GPC6: variants seen among roughly 807,000 people sequenced by gnomAD.
The protein encoded by GPC6 is glypican-6.
Under a neutral mutation model 55.2 loss-of-function variants are expected in GPC6, and 14 were observed. The ratio of observed to expected loss-of-function variants is 0.25; its 90% CI spans 0.17 to 0.40. The LOEUF (loss-of-function observed/expected upper bound fraction) is 0.40. Among genes scored for constraint, GPC6 ranks in the 10% least tolerant of loss-of-function variants. The pLI, the probability that GPC6 is intolerant of heterozygous loss-of-function variation, is 1.00. For missense variants in GPC6, 641 were observed against 708.5 expected (o/e 0.90, Z 1.08); for synonymous variants, 278 against 259.6 (o/e 1.07, Z -0.68).
chr13:93,310,388 A>G (rs1879026081), intron 1 of GPC6, among the ~76,000 whole-genome samples: 5 of 152,142 alleles, frequency 3.3e-5, no homozygotes, highest in Admixed American at 3.3e-4. Flanking sequence ...TTTTTGTTGA[A>G]GCCTCTGCCA....
intron 3 of GPC6, among the ~76,000 whole-genome samples, chr13:93,972,581 C>T (rs189249623): frequency 7.2e-5 from 11 of 152,066 alleles, no homozygotes; most frequent in East Asian, 3.9e-4. Context: ...TCTAAGAGCA[C>T]GAATCCAGAG....
chr13:93,696,477 T>TC (rs1441852496), intron 2 of GPC6, among the ~76,000 whole-genome samples: 2 of 152,146 alleles, frequency 1.3e-5, no homozygotes, highest in African/African-American at 4.8e-5. Context: ...TTATATAACT[T>TC]CATCATTAGC....
chr13:93,903,097 G>T (rs114638390), intron 3 of GPC6, among the ~76,000 whole-genome samples: 1,847 of 152,200 alleles, frequency 0.012, 31 homozygotes, highest in African/African-American at 0.04. Context: ...AATATAAGAC[G>T]TGAAACAATA....
intron 1 of GPC6, among the ~76,000 whole-genome samples, chr13:93,349,191 A>G (rs1880535012): frequency 6.6e-6 from 1 of 152,178 alleles, no homozygotes; most frequent in Non-Finnish European, 1.5e-5. Context: ...CTCATTTGAC[A>G]AGTTCTTTGA....
Position 93,628,014 on chromosome 13 carries a change from A to T in GPC6, c.319+82593A>T, listed in dbSNP as rs571131012. On this transcript the variant is annotated intron_variant, in intron 2 of 8. Coordinates refer to ENST00000377047, the MANE Select transcript of GPC6 (RefSeq NM_005708.5). ...TATCTACATTGAGGTTACCTCAAAT[A>T]ACCTGCTTCCAGCCCATCAGACTGT... is the stretch of plus-strand genomic sequence containing the variant. Among the ~76,000 whole-genome samples the T allele has an allele frequency of 5.5e-4, 84 of 152,356 alleles. 1 individual carries two copies. The South Asian group carries it at 0.017, about 30-fold the overall frequency.
At chr13:93,890,715 A>ATTTTTTTTTTTTT (rs757639517) in intron 3 of GPC6, among the ~76,000 whole-genome samples, 1 of 126,414 alleles carries the variant, frequency 7.9e-6, no homozygotes, top group Admixed American at 7.6e-5. Context: ...AATTTTACTT[A>ATTTTTTTTTTTTT]ATTTTTTTTT....
intron 4 of GPC6, among the ~76,000 whole-genome samples, chr13:94,038,510 C>G (rs1303115169): frequency 4.0e-5 from 6 of 151,860 alleles, no homozygotes; most frequent in East Asian, 1.9e-4. Flanking sequence ...GGTAAGAGCA[C>G]CAGTCCTTGA....
At chr13:93,879,057 T>G (rs547911907) in intron 3 of GPC6, among the ~76,000 whole-genome samples, 287 of 152,132 alleles carry the variant, frequency 1.9e-3, no homozygotes, top group African/African-American at 6.4e-3. Context: ...AGCAAGAAAC[T>G]TCCCTTCTCA....
At chr13:93,703,941 A>G (rs1274169486) in intron 2 of GPC6, among the ~76,000 whole-genome samples, 1 of 152,028 alleles carries the variant, frequency 6.6e-6, no homozygotes. Context: ...CTGGCTTTGT[A>G]ATGATGATAG....
At chr13:93,440,015 C>A (rs1001773185) in intron 1 of GPC6, among the ~76,000 whole-genome samples, 2 of 152,292 alleles carry the variant, frequency 1.3e-5, no homozygotes, top group African/African-American at 4.8e-5. Flanking sequence ...AGACAATCAA[C>A]AATACCCATA....
intron 2 of GPC6, among the ~76,000 whole-genome samples, chr13:93,581,797 C>T (rs986360000): frequency 6.6e-6 from 1 of 152,182 alleles, no homozygotes; most frequent in African/African-American, 2.4e-5. Context: ...CAATTGTATT[C>T]CTAACTTCTC....
At chr13:93,608,304 C>G (rs995063779) in intron 2 of GPC6, among the ~76,000 whole-genome samples, 1 of 151,804 alleles carries the variant, frequency 6.6e-6, no homozygotes, top group African/African-American at 2.4e-5. Context: ...TATTATTTTT[C>G]ATTCCTATAC....
chr13:93,672,680 C>CAT (rs200452814), intron 2 of GPC6, among the ~76,000 whole-genome samples: 7,073 of 147,724 alleles, frequency 0.048, 177 homozygotes, highest in South Asian at 0.092. Flanking sequence ...CACACACAAA[C>CAT]ATATATATAT....
chr13:93,966,327 G>A (rs1458693921), intron 3 of GPC6, among the ~76,000 whole-genome samples: 1 of 152,168 alleles, frequency 6.6e-6, no homozygotes, highest in Admixed American at 6.5e-5. Context: ...TCCTGCACTT[G>A]CCTAAAACAA....
intron 4 of GPC6, among the ~76,000 whole-genome samples, chr13:94,146,969 T>C (rs1887582048): frequency 6.6e-6 from 1 of 152,206 alleles, no homozygotes; most frequent in African/African-American, 2.4e-5. Context: ...CATTTGTTCT[T>C]GAAATCTGCT....
At chr13:93,463,524 TGTTTGAGAGCTGTG>T (rs1433159348) in intron 1 of GPC6, among the ~76,000 whole-genome samples, 1 of 152,194 alleles carries the variant, frequency 6.6e-6, no homozygotes, top group Non-Finnish European at 1.5e-5. Flanking sequence ...GTCTCTGCCA[TGTTTGAGAGCTGTG>T]GTTTGTTTTT....
chr13:94,324,310 T>G (rs568037824), intron 6 of GPC6, among the ~76,000 whole-genome samples: 5 of 131,544 alleles, frequency 3.8e-5, no homozygotes, highest in Non-Finnish European at 7.9e-5. Flanking sequence ...TATGAAAGCC[T>G]TAAAAAAAAA....
At chr13:94,211,664 G>T (rs1333247) in intron 4 of GPC6, among the ~76,000 whole-genome samples, 3 of 151,908 alleles carry the variant, frequency 2.0e-5, no homozygotes, top group Non-Finnish European at 4.4e-5. Flanking sequence ...AATGAGAGAA[G>T]GCTTACGTGG....
chr13:93,597,314 C>A (rs1372665131), intron 2 of GPC6, among the ~76,000 whole-genome samples: 2 of 152,148 alleles, frequency 1.3e-5, no homozygotes, highest in Non-Finnish European at 2.9e-5. Flanking sequence ...AGAGCAGACC[C>A]TAGTGAATGC....
Sources: gnomAD v4.1 joint callset for allele counts (sites outside exome capture counted in the v4.1 genomes callset) on GRCh38, gnomAD v4.1.1 for gene constraint, MANE v1.5 for transcripts, NCBI Gene and HGNC (gene_info 2026-07-23, HGNC 2026-07-21) for gene names.